Variants in COL5A2 observed in about 807,000 individuals in gnomAD.
COL5A2 encodes collagen type V alpha 2 chain.
A neutral mutation model predicts 208.2 loss-of-function variants in COL5A2; 23 were observed. The ratio of observed to expected loss-of-function variants is 0.11; its 90% CI spans 0.08 to 0.16. The LOEUF (loss-of-function observed/expected upper bound fraction) is 0.16, where lower values mean the gene tolerates loss of function less well. COL5A2 is among the 10% of genes least tolerant of loss of function. The pLI is 1.00. For missense variants in COL5A2, 1,590 were observed against 1,956.4 expected, an observed-to-expected ratio of 0.81 and a Z score of 3.53; for synonymous variants, 625 against 628.5, an observed-to-expected ratio of 0.99 and a Z score of 0.08.
the COL5A2 span, among the ~76,000 whole-genome samples, chr2:189,418,883 G>T: frequency 6.6e-6 from 1 of 152,134 alleles, no homozygotes; most frequent in South Asian, 2.1e-4. Context: ...CTGGGAATTG[G>T]GGGAGTAAAT....
intron 1 of COL5A2, among the ~76,000 whole-genome samples, chr2:189,175,422 A>C (rs958321059): frequency 6.6e-6 from 1 of 151,792 alleles, no homozygotes; most frequent in Non-Finnish European, 1.5e-5. Flanking sequence ...AAAAAAAAAT[A>C]CCTAGAGATA....
chr2:189,102,205 T>C (rs568311022), intron 3 of COL5A2, among the ~76,000 whole-genome samples: 1 of 152,142 alleles, frequency 6.6e-6, no homozygotes, highest in African/African-American at 2.4e-5. Context: ...AACAGCCTGC[T>C]AAGAATAGTT....
chr2:189,182,121 C>T (rs1688789134), upstream of COL5A2, among the ~76,000 whole-genome samples: 1 of 152,090 alleles, frequency 6.6e-6, no homozygotes, highest in Non-Finnish European at 1.5e-5. Flanking sequence ...AGGTATTGAC[C>T]AGGAATATCT....
the COL5A2 span, among the ~76,000 whole-genome samples, chr2:189,291,558 A>G: frequency 6.6e-6 from 1 of 152,106 alleles, no homozygotes; most frequent in Non-Finnish European, 1.5e-5. Context: ...AAATTTTTTT[A>G]CATAAATTTT....
intron 1 of COL5A2, among the ~76,000 whole-genome samples, chr2:189,220,212 G>C (rs762985453): frequency 6.6e-6 from 1 of 152,124 alleles, no homozygotes; most frequent in East Asian, 1.9e-4. Flanking sequence ...GTAGTATATT[G>C]CTGTGTCCAA....
At chr2:189,400,577 C>T in the COL5A2 span, among the ~76,000 whole-genome samples, 1 of 152,156 alleles carries the variant, frequency 6.6e-6, no homozygotes. Context: ...GTATCTGGAT[C>T]TCTTGAGAGT....
chr2:189,048,078 GA>G (rs1458997733), intron 45 of COL5A2, 130 bp downstream of exon 45: 1 of 785,638 alleles, frequency 1.3e-6, no homozygotes, highest in Non-Finnish European at 2.2e-6. Context: ...TGGCTTTACA[GA>G]AACAGTTGTT....
At chr2:189,080,116 A>G (rs1686498706) in intron 13 of COL5A2, 85 bp from the exon 14 acceptor site, 1 of 1,005,674 alleles carries the variant, frequency 9.9e-7, no homozygotes, top group African/African-American at 1.6e-5. Context: ...GCTTGCAGAA[A>G]TTGCCTTATA....
At chr2:189,283,698 G>A in the COL5A2 span, among the ~76,000 whole-genome samples, 1 of 151,956 alleles carries the variant, frequency 6.6e-6, no homozygotes, top group Non-Finnish European at 1.5e-5. Context: ...ATCAATACTG[G>A]TTCATTAATT....
chr2:189,075,504 C>T, intron 16 of COL5A2, 67 bp from the exon 17 acceptor site: 1 of 1,327,328 alleles, frequency 7.5e-7, no homozygotes, highest in Non-Finnish European at 1.1e-6. Flanking sequence ...CTCTTATTTG[C>T]CTTATAAAAA....
chr2:189,087,101 G>T (rs1686679366), intron 8 of COL5A2, among the ~76,000 whole-genome samples: 1 of 152,132 alleles, frequency 6.6e-6, no homozygotes, highest in Admixed American at 6.6e-5. Flanking sequence ...GAAAAATCTT[G>T]GCTGACATAA....
the COL5A2 span, among the ~76,000 whole-genome samples, chr2:189,321,252 C>T: frequency 6.6e-6 from 1 of 152,184 alleles, no homozygotes; most frequent in East Asian, 1.9e-4. Context: ...GAGGAAACTG[C>T]ATCAACTAAC....
chr2:189,078,992 C>A (rs1686473964), intron 15 of COL5A2, 71 bp downstream of exon 15: 7 of 1,204,814 alleles, frequency 5.8e-6, no homozygotes, highest in East Asian at 2.4e-5. Context: ...TTTAAAAATT[C>A]TCTTGTTGTA....
chr2:189,427,971 A>C, the COL5A2 span, among the ~76,000 whole-genome samples: 1 of 152,226 alleles, frequency 6.6e-6, no homozygotes, highest in Non-Finnish European at 1.5e-5. Flanking sequence ...TGTATCTTGA[A>C]AGAAACTAGC....
At chr2:189,081,402 C>T (rs959558545) in intron 12 of COL5A2, among the ~76,000 whole-genome samples, 2 of 151,942 alleles carry the variant, frequency 1.3e-5, no homozygotes, top group Admixed American at 1.3e-4. Flanking sequence ...ATTGACTATA[C>T]CAAGGTAGAA....
the COL5A2 span, among the ~76,000 whole-genome samples, chr2:189,263,154 A>G: frequency 6.6e-6 from 1 of 152,058 alleles, no homozygotes; most frequent in Non-Finnish European, 1.5e-5. Flanking sequence ...CAGCCACTTG[A>G]TGTCGTTTCA....
At chr2:189,270,853 A>T in the COL5A2 span, among the ~76,000 whole-genome samples, 3 of 152,152 alleles carry the variant, frequency 2.0e-5, no homozygotes, top group Non-Finnish European at 4.4e-5. Context: ...GCATTCCTAT[A>T]CACCAATAAT....
At chr2:189,251,935 TCAA>T in the COL5A2 span, among the ~76,000 whole-genome samples, 1 of 151,942 alleles carries the variant, frequency 6.6e-6, no homozygotes, top group Non-Finnish European at 1.5e-5. Context: ...AACAACCCCA[TCAA>T]CAAGTGGGCG....
At chr2:189,121,096 G>C (rs191164561) in intron 1 of COL5A2, among the ~76,000 whole-genome samples, 66 of 152,240 alleles carry the variant, frequency 4.3e-4, no homozygotes, top group Non-Finnish European at 6.3e-4. Flanking sequence ...GCAAATCTTG[G>C]TTGTTGTGGG....
Sources: allele counts gnomAD v4.1 joint callset (sites outside exome capture counted in the v4.1 genomes callset), GRCh38; gene constraint gnomAD v4.1.1; transcripts MANE v1.5; gene names NCBI Gene and HGNC (gene_info 2026-07-23, HGNC 2026-07-21).